XIRP2: variants seen among roughly 807,000 people sequenced by gnomAD.
The protein encoded by XIRP2 is xin actin-binding repeat-containing protein 2.
A neutral mutation model predicts 277.0 loss-of-function variants in XIRP2; 236 were observed. That is an observed-to-expected ratio of 0.85 (90% CI 0.77 to 0.95). The LOEUF is 0.95. XIRP2 is among the 40% of genes least tolerant of loss of function. The probability of loss-of-function intolerance (pLI) is 0.00; values close to 1 mark genes in which losing one functional copy is unlikely to be tolerated. For synonymous variants in XIRP2, 1,490 were observed against 1,416.5 expected, an observed-to-expected ratio of 1.05 and a Z score of -1.17; for missense variants, 4,640 against 4,157.5, an observed-to-expected ratio of 1.12 and a Z score of -3.19.
At chr2:167,068,423 C>T (rs1689356501) in intron 2 of XIRP2, among the ~76,000 whole-genome samples, 1 of 152,130 alleles carries the variant, frequency 6.6e-6, no homozygotes, top group Admixed American at 6.6e-5. Flanking sequence ...GATTTTCAGT[C>T]ATGTAGCCCT....
intron 2 of XIRP2, among the ~76,000 whole-genome samples, chr2:166,966,684 T>C (rs895306941): frequency 4.6e-5 from 7 of 151,930 alleles, no homozygotes; most frequent in Admixed American, 1.3e-4. Context: ...CTCCATCTAA[T>C]TCTATTGCTA....
chr2:166,988,450 T>TAAAA (rs1553475855), intron 2 of XIRP2, among the ~76,000 whole-genome samples: 1 of 150,628 alleles, frequency 6.6e-6, no homozygotes, highest in African/African-American at 2.5e-5. Flanking sequence ...GGGAAAACTT[T>TAAAA]AGTTGGAGGA....
At chr2:166,934,903 C>A (rs373564624) in intron 2 of XIRP2, among the ~76,000 whole-genome samples, 1 of 151,976 alleles carries the variant, frequency 6.6e-6, no homozygotes, top group East Asian at 1.9e-4. Context: ...TGGTGGCACA[C>A]ACCTGTAGTC....
At chr2:166,895,354 ATC>A (rs1459286636) in intron 1 of XIRP2, among the ~76,000 whole-genome samples, 1 of 152,122 alleles carries the variant, frequency 6.6e-6, no homozygotes, top group Admixed American at 6.6e-5. Context: ...ACCTTGCTAC[ATC>A]TCAGTCTCAA....
intron 2 of XIRP2, among the ~76,000 whole-genome samples, chr2:167,023,647 G>A (rs545881290): frequency 6.6e-6 from 1 of 152,244 alleles, no homozygotes; most frequent in East Asian, 1.9e-4. Context: ...GTGTAAGGAA[G>A]GGATCTGGTT....
intron 2 of XIRP2, among the ~76,000 whole-genome samples, chr2:167,013,650 T>G (rs1490075729): frequency 6.6e-6 from 1 of 151,672 alleles, no homozygotes; most frequent in African/African-American, 2.4e-5. Flanking sequence ...ATTTTCTATT[T>G]GTCAAGGGAC....
chr2:167,257,174 A>G (rs1225326024), intron 10 of XIRP2, among the ~76,000 whole-genome samples: 1 of 151,904 alleles, frequency 6.6e-6, no homozygotes. Context: ...TCACCAATAC[A>G]GATGAGACCA....
chr2:167,130,710 G>T (rs1025818744), intron 2 of XIRP2, among the ~76,000 whole-genome samples: 1 of 150,904 alleles, frequency 6.6e-6, no homozygotes, highest in Admixed American at 6.6e-5. Context: ...CATTTCAATC[G>T]CTCTCTTAGA....
Position 167,210,792 on chromosome 2 carries a change from G to A in XIRP2, c.620G>A (p.Gly207Asp), listed in dbSNP as rs777155192. The A allele has an allele frequency of 6.2e-6, 10 of 1,614,050 alleles. No individual in the cohort carries two copies. The East Asian group carries it at 6.7e-5, about 11-fold the overall frequency. Residue 207 changes from glycine (G) to aspartate (D), a missense_variant, in exon 4 of 11, where the codon GGC becomes GAC. By Grantham distance (94) the Gly-to-Asp change is moderately conservative (BLOSUM62 -1). Transcript: ENST00000409195. ...TTTGCAGAAGACAGTGCTGCTCGGG[G>A]CGAGGGTGTGTCAGACCTCCACGAA... Reference protein sequence around the residue: ...SGFAEDSAARGEGVSDLHEVV... With the variant: ...SGFAEDSAARDEGVSDLHEVV...
intron 4 of XIRP2, among the ~76,000 whole-genome samples, chr2:167,215,987 A>G (rs1307471875): frequency 1.3e-5 from 2 of 151,500 alleles, no homozygotes; most frequent in Non-Finnish European, 2.9e-5. Flanking sequence ...GCATACCTAC[A>G]ACTATCTGAT....
chr2:167,112,734 C>T (rs1373611995), intron 2 of XIRP2, among the ~76,000 whole-genome samples: 2 of 152,026 alleles, frequency 1.3e-5, no homozygotes, highest in Non-Finnish European at 2.9e-5. Context: ...TTACTGCAAC[C>T]TCCACCTCCT....
intron 5 of XIRP2, among the ~76,000 whole-genome samples, chr2:167,221,659 C>T (rs1259360046): frequency 6.6e-6 from 1 of 152,022 alleles, no homozygotes; most frequent in Non-Finnish European, 1.5e-5. Flanking sequence ...CTTTTATCAG[C>T]AGGGATTTTG....
chr2:167,107,121 C>T (rs1690638055), intron 2 of XIRP2, among the ~76,000 whole-genome samples: 1 of 151,674 alleles, frequency 6.6e-6, no homozygotes, highest in South Asian at 2.1e-4. Context: ...TATTCTTTTG[C>T]AACCAAGTCA....
chr2:167,257,076 A>T (rs1409376243), intron 10 of XIRP2, among the ~76,000 whole-genome samples: 1 of 152,014 alleles, frequency 6.6e-6, no homozygotes, highest in Non-Finnish European at 1.5e-5. Flanking sequence ...TCTGATTGGC[A>T]TGTGATACTT....
intron 2 of XIRP2, among the ~76,000 whole-genome samples, chr2:167,107,294 G>A (rs1473401833): frequency 6.6e-6 from 1 of 151,644 alleles, no homozygotes; most frequent in East Asian, 1.9e-4. Flanking sequence ...AATCTTAAGG[G>A]AAAAGCATTC....
At chr2:167,218,424 A>G in intron 5 of XIRP2, 124 bp downstream of exon 5, 1 of 996,518 alleles carries the variant, frequency 1.0e-6, no homozygotes, top group Non-Finnish European at 1.3e-6. Context: ...CAAACACTGT[A>G]GCTTTGAAAT....
rs112825686 is a variant in XIRP2, at chr2:167,009,340, T to C, written c.408+105450T>C. Among the ~76,000 whole-genome samples the C allele has an allele frequency of 4.0e-3, 606 of 151,756 alleles. 1 individual carries two copies. Among genetic ancestry groups the C allele is most frequent in the Non-Finnish European group, 4.7e-3 (321 of 67,890 alleles). On this transcript the variant is annotated intron_variant, in intron 2 of 10. Coordinates refer to ENST00000409195, the MANE Select transcript of XIRP2 (RefSeq NM_152381.6). The stretch of plus-strand genomic sequence containing the variant: ...TTGGTTTTTTGTTCTTGGCGATATT[T>C]TGCTGAGAATGATGCTTTCCAATTT...
chr2:167,257,434 G>A (rs563024025), intron 10 of XIRP2, among the ~76,000 whole-genome samples: 1 of 152,040 alleles, frequency 6.6e-6, no homozygotes, highest in South Asian at 2.1e-4. Flanking sequence ...GGCCACATAA[G>A]CAATTGTTAG....
chr2:167,041,849 A>AT (rs1254177166), intron 2 of XIRP2, among the ~76,000 whole-genome samples: 1 of 152,156 alleles, frequency 6.6e-6, no homozygotes, highest in Non-Finnish European at 1.5e-5. Context: ...AAAGAAACAT[A>AT]TGAGATACCA....
Sources: allele counts gnomAD v4.1 joint callset (sites outside exome capture counted in the v4.1 genomes callset), GRCh38; gene constraint gnomAD v4.1.1; transcripts MANE v1.5; gene names NCBI Gene and HGNC (gene_info 2026-07-23, HGNC 2026-07-21).